The following ATOSA variants were observed in gnomAD, a reference collection of about 807,000 sequenced individuals.
ATOSA encodes atos homolog protein A.
At chr15:52,694,825 TA>T in the ATOSA span, among the ~76,000 whole-genome samples, 6 of 152,138 alleles carry the variant, frequency 3.9e-5, no homozygotes, top group African/African-American at 1.4e-4. Context: ...AAATCTATTA[TA>T]CCTTTTAAAA....
At chr15:52,684,763 G>C in the ATOSA span, among the ~76,000 whole-genome samples, 2 of 152,052 alleles carry the variant, frequency 1.3e-5, no homozygotes. Flanking sequence ...AAGAGACAGA[G>C]TCTTGTTCTG....
the ATOSA span, among the ~76,000 whole-genome samples, chr15:52,636,606 T>G: frequency 6.6e-6 from 1 of 152,236 alleles, no homozygotes; most frequent in Admixed American, 6.5e-5. Flanking sequence ...GCTGGCATCT[T>G]GATCTTGGGC....
At chr15:52,604,739 T>C in the ATOSA span, among the ~76,000 whole-genome samples, 1 of 152,228 alleles carries the variant, frequency 6.6e-6, no homozygotes, top group East Asian at 1.9e-4. Flanking sequence ...AATTGAGGAG[T>C]GGAGAGATTT....
chr15:52,622,375 T>C, the ATOSA span, among the ~76,000 whole-genome samples: 2 of 152,224 alleles, frequency 1.3e-5, no homozygotes, highest in African/African-American at 4.8e-5. Flanking sequence ...GAATGGATAT[T>C]AAGAATTAGT....
At chr15:52,615,126 T>C in the ATOSA span, among the ~76,000 whole-genome samples, 1 of 152,194 alleles carries the variant, frequency 6.6e-6, no homozygotes, top group Non-Finnish European at 1.5e-5. Context: ...TAATAACAAT[T>C]TCTAAGGAAG....
chr15:52,648,339 T>A, the ATOSA span, among the ~76,000 whole-genome samples: 1 of 152,112 alleles, frequency 6.6e-6, no homozygotes, highest in South Asian at 2.1e-4. Flanking sequence ...TTTTTATTTA[T>A]TGATATACCA....
the ATOSA span, among the ~76,000 whole-genome samples, chr15:52,642,476 T>C: frequency 3.9e-5 from 6 of 152,174 alleles, no homozygotes; most frequent in Non-Finnish European, 8.8e-5. Context: ...AATTTTGAAA[T>C]TACAAAATAC....
chr15:52,670,576 C>T, the ATOSA span, among the ~76,000 whole-genome samples: 1 of 152,160 alleles, frequency 6.6e-6, no homozygotes, highest in African/African-American at 2.4e-5. Flanking sequence ...TTTCAACAGT[C>T]CTCGAAAAAT....
chr15:52,603,337 G>A, the ATOSA span, among the ~76,000 whole-genome samples: 2 of 152,110 alleles, frequency 1.3e-5, no homozygotes, highest in Admixed American at 1.3e-4. Flanking sequence ...ACGGATGCTG[G>A]CAACGATGGA....
At chr15:52,597,851 G>C in the ATOSA span, among the ~76,000 whole-genome samples, 1 of 152,182 alleles carries the variant, frequency 6.6e-6, no homozygotes, top group Non-Finnish European at 1.5e-5. Context: ...TTGGCTAGGC[G>C]TGGTGGCTTA....
chr15:52,617,567 GA>G, the ATOSA span, among the ~76,000 whole-genome samples: 432 of 152,124 alleles, frequency 2.8e-3, no homozygotes, highest in Admixed American at 5.2e-3. Flanking sequence ...CATTTAGTGA[GA>G]AATTTATAAA....
At chr15:52,652,072 C>T in the ATOSA span, 14 of 1,448,770 alleles carry the variant, frequency 9.7e-6, no homozygotes, top group Non-Finnish European at 1.2e-5. Context: ...AGAGTAAGAG[C>T]GCACATAGCA....
the ATOSA span, chr15:52,609,195 T>C: frequency 6.2e-7 from 1 of 1,612,712 alleles, no homozygotes; most frequent in Non-Finnish European, 8.5e-7. Context: ...AACACTTTTC[T>C]TTACTATTAT....
the ATOSA span, chr15:52,611,541 C>G: frequency 6.3e-7 from 1 of 1,597,688 alleles, no homozygotes; most frequent in African/African-American, 1.3e-5. Context: ...CTTGATTTAC[C>G]AAGAACAACT....
At chr15:52,652,478 T>C in the ATOSA span, among the ~76,000 whole-genome samples, 1 of 152,128 alleles carries the variant, frequency 6.6e-6, no homozygotes, top group Non-Finnish European at 1.5e-5. Context: ...GAATAAAGCA[T>C]TGTCAACCTT....
At chr15:52,620,024 A>G in the ATOSA span, among the ~76,000 whole-genome samples, 1 of 152,148 alleles carries the variant, frequency 6.6e-6, no homozygotes, top group Admixed American at 6.5e-5. Context: ...TGCTTGCACC[A>G]GGTTGTCTAG....
the ATOSA span, among the ~76,000 whole-genome samples, chr15:52,640,462 T>C: frequency 4.0e-5 from 6 of 149,188 alleles, 1 homozygote; most frequent in South Asian, 1.0e-3. Context: ...CCCCAGCTAC[T>C]TGGGAGGCTG....
chr15:52,608,818 T>C, the ATOSA span: 20 of 1,603,920 alleles, frequency 1.2e-5, no homozygotes, highest in Non-Finnish European at 1.6e-5. Flanking sequence ...CATGCTTTCA[T>C]ATTTGTTCAA....
chr15:52,598,353 A>G, the ATOSA span, among the ~76,000 whole-genome samples: 1 of 152,332 alleles, frequency 6.6e-6, no homozygotes, highest in African/African-American at 2.4e-5. Context: ...ACTATTAGCT[A>G]TTAGACTATT....
Sources: gnomAD v4.1 joint callset for allele counts (sites outside exome capture counted in the v4.1 genomes callset) on GRCh38, gnomAD v4.1.1 for gene constraint, MANE v1.5 for transcripts, NCBI Gene and HGNC (gene_info 2026-07-23, HGNC 2026-07-21) for gene names.